The following GCH1 variants were observed in gnomAD, a reference collection of about 807,000 sequenced individuals.
GCH1 encodes GTP cyclohydrolase I.
GCH1 carries 5 observed loss-of-function variants against 25.9 expected under a neutral mutation model. The ratio of observed to expected loss-of-function variants is 0.19; its 90% confidence interval spans 0.10 to 0.41. The LOEUF (loss-of-function observed/expected upper bound fraction) is 0.41. GCH1 is among the 10% of genes least tolerant of loss of function. The pLI is 1.00. For synonymous variants in GCH1, 159 were observed against 129.6 expected (o/e 1.23, Z -1.54); for missense variants, 261 against 336.5 (o/e 0.78, Z 1.75).
chr14:54,856,681 G>A (rs190834248), intron 3 of GCH1, among the ~76,000 whole-genome samples: 307 of 152,246 alleles, frequency 2.0e-3, no homozygotes, highest in Non-Finnish European at 3.2e-3. Context: ...TGGAACTCCT[G>A]ACCTCAAGTG....
At chr14:54,875,617 A>G (rs1466385108) in intron 1 of GCH1, among the ~76,000 whole-genome samples, 1 of 152,240 alleles carries the variant, frequency 6.6e-6, no homozygotes, top group African/African-American at 2.4e-5. Flanking sequence ...GAACTCAAAC[A>G]AATTTACAAG....
At position 54,856,585 on chromosome 14, in the gene GCH1, T is replaced by C. The variant is rs576822945; in HGVS notation, c.509+3096A>G. On this transcript the variant is annotated intron_variant, in intron 3 of 5. Coordinates refer to ENST00000491895, the MANE Select transcript of GCH1 (RefSeq NM_000161.3). ...CTTCCATCTCAGCCTCCGAAGTAGCTGGGATTACAGGCGCATGCTACCATG... is the reference window on the plus strand; with the variant it reads ...CTTCCATCTCAGCCTCCGAAGTAGCCGGGATTACAGGCGCATGCTACCATG... Among the ~76,000 whole-genome samples the C allele has an allele frequency of 2.0e-3, 310 of 152,194 alleles. 2 individuals are homozygous for C. Among genetic ancestry groups the C allele is most frequent in the African/African-American group, 7.2e-3 (299 of 41,542 alleles).
chr14:54,848,328 G>A (rs551953969), intron 3 of GCH1, among the ~76,000 whole-genome samples: 1 of 152,038 alleles, frequency 6.6e-6, no homozygotes, highest in African/African-American at 2.4e-5. Context: ...GTAGAGACAG[G>A]GTTTCACCAT....
chr14:54,886,543 C>T (rs1195650995), intron 1 of GCH1, among the ~76,000 whole-genome samples: 1 of 152,088 alleles, frequency 6.6e-6, no homozygotes, highest in Non-Finnish European at 1.5e-5. Context: ...ACCCGGGAAG[C>T]GGAGCTTGCA....
At position 54,885,030 on chromosome 14, in the gene GCH1, T is replaced by G. The variant is rs570426332; in HGVS notation, c.343+17291A>C. On this transcript the variant is annotated intron_variant, in intron 1 of 5. Transcript: ENST00000491895. ...CCTGTAATTCTTCTGCATGATCTGGTGCTGTTCCGGTGTGGCCCATTGCAG... is the reference window on the plus strand; with the variant it reads ...CCTGTAATTCTTCTGCATGATCTGGGGCTGTTCCGGTGTGGCCCATTGCAG... 1.0e-4 allele frequency: 28 copies of G among 274,930 alleles called. No homozygotes were observed. In the East Asian group the frequency reaches 1.5e-3, roughly 15 times the overall value. The allele number at this position is 274,930 out of a possible 1,614,324, so 17.0% of individuals were successfully genotyped here.
intron 3 of GCH1, among the ~76,000 whole-genome samples, chr14:54,857,537 T>C (rs983845709): frequency 2.0e-5 from 3 of 152,082 alleles, no homozygotes; most frequent in Non-Finnish European, 4.4e-5. Context: ...GCATCAGCAG[T>C]GCTGGAATTT....
At chr14:54,880,283 G>C (rs1051773609) in intron 1 of GCH1, among the ~76,000 whole-genome samples, 3 of 148,242 alleles carry the variant, frequency 2.0e-5, no homozygotes, top group Non-Finnish European at 4.5e-5. Flanking sequence ...ACTAAGATTT[G>C]TCAAAACCCA....
chr14:54,871,539 C>G lies in GCH1; in HGVS notation c.344-6103G>C, dbSNP rs1229439769. Among the ~76,000 whole-genome samples the G allele has an allele frequency of 2.6e-5, 4 of 152,148 alleles. No individual in the cohort carries two copies. In the East Asian group the frequency reaches 7.7e-4, roughly 29 times the overall value. ...TTGAGAGAAAAAGGCTTCAGACGAA[C>G]AAACTACTCCAAGCTAAAGGAGGAA... On this transcript the variant is annotated intron_variant, in intron 1 of 5. Transcript: ENST00000491895.
chr14:54,849,399 G>T (rs1191743629), intron 3 of GCH1, among the ~76,000 whole-genome samples: 1 of 152,044 alleles, frequency 6.6e-6, no homozygotes, highest in Non-Finnish European at 1.5e-5. Context: ...AGAGGTATTT[G>T]CTGGGAACCG....
At chr14:54,902,212 C>T in intron 1 of GCH1, 109 bp downstream of exon 1, 1 of 1,243,520 alleles carries the variant, frequency 8.0e-7, no homozygotes, top group Non-Finnish European at 1.1e-6. Context: ...CGCCCGGCTT[C>T]CTGCGCCAAA....
Position 54,880,537 on chromosome 14 carries a change from CAT to C in GCH1, c.344-15103_344-15102del, listed in dbSNP as rs35600814. ...ATACTCCATATATATATATATACTC[CAT>C]ATATATATATACTCCATATATATAT... is the stretch of plus-strand genomic sequence containing the variant. On this transcript the variant is annotated intron_variant, in intron 1 of 5. Coordinates refer to ENST00000491895, the MANE Select transcript of GCH1 (RefSeq NM_000161.3). Among the ~76,000 whole-genome samples, 287 of 30,962 alleles carry C rather than the reference CAT, an allele frequency of 9.3e-3. 35 individuals carry two copies. Among genetic ancestry groups the C allele is most frequent in the South Asian group, 0.028 (38 of 1,346 alleles). The allele number at this position is 30,962 out of a possible 152,430, so 20.3% of individuals were successfully genotyped here.
intron 1 of GCH1, among the ~76,000 whole-genome samples, chr14:54,886,882 C>A (rs531644819): frequency 6.6e-6 from 1 of 152,282 alleles, no homozygotes; most frequent in East Asian, 1.9e-4. Flanking sequence ...CATGTGGTGA[C>A]AAGGCCCAGA....
At chr14:54,868,318 AAGGC>A (rs1408511998) in intron 1 of GCH1, among the ~76,000 whole-genome samples, 1 of 152,240 alleles carries the variant, frequency 6.6e-6, no homozygotes, top group East Asian at 1.9e-4. Flanking sequence ...TCAGGAGGCT[AAGGC>A]AGGAGGATCA....
At chr14:54,871,847 T>G in intron 1 of GCH1, among the ~76,000 whole-genome samples, 1 of 152,090 alleles carries the variant, frequency 6.6e-6, no homozygotes, top group Non-Finnish European at 1.5e-5. Context: ...TGGGACTATG[T>G]GAAAGGACCA....
At position 54,902,795 on chromosome 14, in the gene GCH1, A is replaced by G. The variant is rs1333408056; in HGVS notation, c.-132T>C. The G allele has an allele frequency of 2.0e-5, 23 of 1,175,556 alleles. No homozygotes were observed. Among genetic ancestry groups the G allele is most frequent in the Non-Finnish European group, 2.4e-5 (22 of 921,114 alleles). The allele number at this position is 1,175,556 out of a possible 1,614,324, so 72.8% of individuals were successfully genotyped here. A position where few individuals can be genotyped will look rare whatever the true frequency, so the allele number is the denominator to read the frequency against. On this transcript the variant is annotated 5_prime_UTR_variant, in exon 1 of 6. Transcript: ENST00000491895. ...TGAGGAAGGTACGCAACCTGCTTAG[A>G]TCACACTCCGAGCCGGGAGCGGCCA...
intron 1 of GCH1, among the ~76,000 whole-genome samples, chr14:54,899,882 G>A (rs1204244256): frequency 7.2e-6 from 1 of 138,408 alleles, no homozygotes; most frequent in Non-Finnish European, 1.6e-5. Context: ...TTTTTTTTTT[G>A]AAATGGAGTT....
Position 54,847,549 on chromosome 14 carries a change from C to T in GCH1, c.510-419G>A, listed in dbSNP as rs60471759. On this transcript the variant is annotated intron_variant, in intron 3 of 5. Coordinates refer to ENST00000491895, the MANE Select transcript of GCH1 (RefSeq NM_000161.3). ...CTGGCTGCTTCCTGCCCTCAAACAT[C>T]GAACTCCAAGTTCTTCAGTTTTGAG... Among the ~76,000 whole-genome samples, 972 of 152,256 alleles carry T rather than the reference C, an allele frequency of 6.4e-3. 8 individuals carry two copies. The highest frequency in any genetic ancestry group is 0.022 in the African/African-American group (900 of 41,548).
At chr14:54,875,304 C>A (rs984312998) in intron 1 of GCH1, among the ~76,000 whole-genome samples, 2 of 152,196 alleles carry the variant, frequency 1.3e-5, no homozygotes, top group African/African-American at 4.8e-5. Flanking sequence ...CTTCCTTACA[C>A]CTTATACAAA....
intron 3 of GCH1, among the ~76,000 whole-genome samples, chr14:54,850,529 T>C (rs887335312): frequency 6.6e-6 from 1 of 152,102 alleles, no homozygotes; most frequent in Non-Finnish European, 1.5e-5. Context: ...AGGGTACATG[T>C]GCACAACGTG....
Sources: allele counts gnomAD v4.1 joint callset (sites outside exome capture counted in the v4.1 genomes callset), GRCh38; gene constraint gnomAD v4.1.1; transcripts MANE v1.5; gene names NCBI Gene and HGNC (gene_info 2026-07-23, HGNC 2026-07-21).